The following ATAD3B variants were observed in gnomAD, a reference collection of about 807,000 sequenced individuals.
ATAD3B encodes the protein ATPase family AAA domain containing 3B, also known as ATPase family AAA domain-containing protein 3B.
In ATAD3B, 59 loss-of-function variants were observed where a neutral mutation model predicts 70.2. That is an observed-to-expected ratio of 0.84 (90% confidence interval 0.68 to 1.04). ATAD3B has a LOEUF of 1.04. ATAD3B is among the 50% of genes least tolerant of loss of function. The pLI, the probability that ATAD3B is intolerant of heterozygous loss-of-function variation, is 0.00. For synonymous variants in ATAD3B, 423 were observed against 388.6 expected, an observed-to-expected ratio of 1.09 and a Z score of -1.04; for missense variants, 961 against 913.4, an observed-to-expected ratio of 1.05 and a Z score of -0.67.
chr1:1,498,729 G>A (rs959392134), downstream of ATAD3B, among the ~76,000 whole-genome samples: 1 of 150,680 alleles, frequency 6.6e-6, no homozygotes, highest in Non-Finnish European at 1.5e-5. Context: ...TTCAGACGGA[G>A]TCTCACTCCG....
chr1:1,484,130 C>A (rs2100562302), intron 7 of ATAD3B: 1 of 152,104 alleles, frequency 6.6e-6, no homozygotes, highest in East Asian at 1.9e-4. Flanking sequence ...GGGTTTTATT[C>A]CGAATAACGA....
At chr1:1,478,136 A>G (rs1467902035) in intron 2 of ATAD3B, 3 of 236,412 alleles carry the variant, frequency 1.3e-5, no homozygotes, top group Non-Finnish European at 2.5e-5. Flanking sequence ...AGCTGGGACT[A>G]CAGGAGCCTG....
chr1:1,480,382 T>C lies in ATAD3B; in HGVS notation c.445-485T>C, dbSNP rs532989019. Among the ~76,000 whole-genome samples the C allele has an allele frequency of 6.3e-4, 92 of 146,046 alleles. 10 individuals carry two copies. The highest frequency in any genetic ancestry group is 2.2e-3 in the African/African-American group (87 of 39,034). ...AGCTGGCAGTCTGGGAGGTTCTGCT[T>C]GGGAGGGCTGGTCAGTGGCGGCGGG... On this transcript the variant is annotated intron_variant, in intron 4 of 15. Transcript: ENST00000673477.
At chr1:1,502,550 C>T (rs553812155), downstream of ATAD3B, among the ~76,000 whole-genome samples, 5 of 115,314 alleles carry the variant, frequency 4.3e-5, no homozygotes, top group East Asian at 2.7e-4. Context: ...CATGCTCTGT[C>T]GCTGAGGCTG....
chr1:1,504,635 A>C, the ATAD3B span, among the ~76,000 whole-genome samples: 1 of 150,542 alleles, frequency 6.6e-6, no homozygotes, highest in African/African-American at 2.5e-5. Flanking sequence ...CAGCAACAAG[A>C]GGGAAACTCT....
intron 1 of ATAD3B, among the ~76,000 whole-genome samples, chr1:1,474,624 C>G (rs936831377): frequency 2.0e-5 from 3 of 151,966 alleles, no homozygotes; most frequent in African/African-American, 7.3e-5. Context: ...CTCAGCCTCC[C>G]GAGTAGCTGG....
At chr1:1,491,642 G>A (rs901598890) in intron 15 of ATAD3B, among the ~76,000 whole-genome samples, 2 of 152,078 alleles carry the variant, frequency 1.3e-5, no homozygotes, top group African/African-American at 2.4e-5. Context: ...GGTCCGCAGA[G>A]TCTGTGTGAC....
chr1:1,508,221 C>T, the ATAD3B span, among the ~76,000 whole-genome samples: 19 of 151,520 alleles, frequency 1.3e-4, no homozygotes, highest in Non-Finnish European at 2.6e-4. Context: ...GTGTCTCCTG[C>T]GCTCCTGGGC....
chr1:1,484,805 C>A lies in ATAD3B; in HGVS notation c.751-211C>A, dbSNP rs983276796. The A allele has an allele frequency of 3.7e-6, 5 of 1,335,084 alleles. No individual in the cohort carries two copies. In the African/African-American group the frequency reaches 5.9e-5, roughly 16 times the overall value. The allele number at this position is 1,335,084 out of a possible 1,614,324, so 82.7% of individuals were successfully genotyped here. ...GCTGCCAGTTGCAGAGAAAATGGCCCTGAGTGAGGGCGTTATGACTGCCCC... is the reference window on the plus strand; with the variant it reads ...GCTGCCAGTTGCAGAGAAAATGGCCATGAGTGAGGGCGTTATGACTGCCCC... On this transcript the variant is annotated intron_variant, in intron 7 of 15. Coordinates refer to ENST00000673477, the MANE Select transcript of ATAD3B (RefSeq NM_031921.6).
At chr1:1,487,751 G>A (rs1640302738) in intron 11 of ATAD3B, 112 bp from the exon 12 acceptor site, 5 of 1,345,866 alleles carry the variant, frequency 3.7e-6, no homozygotes, top group Non-Finnish European at 5.3e-6. Context: ...ATGGGGCAGA[G>A]CCTGACCCCG....
At chr1:1,481,679 T>C (rs1328263728) in intron 5 of ATAD3B, among the ~76,000 whole-genome samples, 1 of 141,430 alleles carries the variant, frequency 7.1e-6, no homozygotes, top group Non-Finnish European at 1.5e-5. Context: ...TGTGTTTCTG[T>C]GTGAGGGGGG....
chr1:1,486,375 G>A, intron 10 of ATAD3B, 140 bp downstream of exon 10: 1 of 1,574,862 alleles, frequency 6.3e-7, no homozygotes, highest in Non-Finnish European at 8.6e-7. Context: ...GGGTGCTGGT[G>A]TGGGCAGCAG....
chr1:1,485,631 C>T, intron 8 of ATAD3B, 151 bp from the exon 9 acceptor site: 2 of 1,306,114 alleles, frequency 1.5e-6, no homozygotes, highest in African/African-American at 1.5e-5. Flanking sequence ...CTCCTGGTCT[C>T]CCGGCGGGGC....
intron 6 of ATAD3B, 75 bp downstream of exon 6, chr1:1,482,378 C>G (rs553063480): frequency 2.5e-6 from 4 of 1,574,986 alleles, no homozygotes; most frequent in Non-Finnish European, 3.4e-6. Context: ...AGGGCGCTCT[C>G]CAGCTCTTCC....
rs570566162 is a variant in ATAD3B at position 1,476,977 on chromosome 1, T to G, written c.206-297T>G. On this transcript the variant is annotated intron_variant, in intron 1 of 15. Coordinates refer to ENST00000673477, the MANE Select transcript of ATAD3B (RefSeq NM_031921.6). Reference sequence around the variant, plus strand: ...GTGCACCACCACACCCAGCTTTTTTTTGTGTTTTTAGTGGAGACAGGATTT... The same window carrying G: ...GTGCACCACCACACCCAGCTTTTTTGTGTGTTTTTAGTGGAGACAGGATTT... 3.2e-4 allele frequency among the ~76,000 whole-genome samples: 49 copies of G among 152,060 alleles called. 3 individuals are homozygous for G. Among genetic ancestry groups the G allele is most frequent in the African/African-American group, 7.2e-4 (30 of 41,518 alleles).
the ATAD3B span, among the ~76,000 whole-genome samples, chr1:1,504,295 C>T: frequency 6.6e-6 from 1 of 151,860 alleles, no homozygotes; most frequent in Non-Finnish European, 1.5e-5. Context: ...CCCTCACTTT[C>T]AGTCCTGAGT....
chr1:1,498,967 T>C (rs1248162756), downstream of ATAD3B, among the ~76,000 whole-genome samples: 4 of 139,810 alleles, frequency 2.9e-5, no homozygotes, highest in Admixed American at 1.4e-4. Flanking sequence ...GTGTGGTTCC[T>C]CTTTTTTTTT....
chr1:1,487,918 A>C lies in ATAD3B; in HGVS notation c.1266+4A>C. ...CTTCCTTCGGAAGCGAGCCACTGTG[A>C]GTGTCACTAAGCCTCTGTCTGGCCA... On this transcript the variant is annotated splice_donor_region_variant and intron_variant, in intron 12 of 15. Coordinates refer to ENST00000673477, the MANE Select transcript of ATAD3B (RefSeq NM_031921.6). 3 of 1,612,924 alleles carry C rather than the reference A, an allele frequency of 1.9e-6. No homozygotes were observed. Among genetic ancestry groups the C allele is most frequent in the Non-Finnish European group, 2.5e-6 (3 of 1,179,310 alleles).
At chr1:1,502,010 C>G (rs1193804042), downstream of ATAD3B, among the ~76,000 whole-genome samples, 3 of 152,050 alleles carry the variant, frequency 2.0e-5, no homozygotes, top group South Asian at 4.2e-4. Context: ...TCCCGTGTAG[C>G]TAGGATTACA....
Sources: allele counts gnomAD v4.1 joint callset (sites outside exome capture counted in the v4.1 genomes callset), GRCh38; gene constraint gnomAD v4.1.1; transcripts MANE v1.5; gene names NCBI Gene and HGNC (gene_info 2026-07-23, HGNC 2026-07-21).